Variants in PIK3CB observed in about 807,000 individuals in gnomAD.
PIK3CB encodes the protein phosphatidylinositol 4,5-bisphosphate 3-kinase catalytic subunit beta isoform.
Under a neutral mutation model 136.8 loss-of-function variants are expected in PIK3CB, and 39 were observed. The ratio of observed to expected loss-of-function variants is 0.29; its 90% CI spans 0.22 to 0.37. PIK3CB has a LOEUF of 0.37. Ranked by LOEUF, PIK3CB falls within the 10% of genes least tolerant of loss-of-function variation. PIK3CB has a pLI of 1.00. For missense variants in PIK3CB, 868 were observed against 1,275.4 expected, an observed-to-expected ratio of 0.68 and a Z score of 4.87; for synonymous variants, 428 against 436.6, an observed-to-expected ratio of 0.98 and a Z score of 0.25.
At chr3:138,716,240 G>A (rs1016449543) in intron 8 of PIK3CB, among the ~76,000 whole-genome samples, 2 of 152,130 alleles carry the variant, frequency 1.3e-5, no homozygotes, top group Non-Finnish European at 2.9e-5. Flanking sequence ...TCCAGAAAAA[G>A]GCGTAATCCT....
intron 13 of PIK3CB, 43 bp downstream of exon 13, chr3:138,698,864 T>C: frequency 7.9e-7 from 1 of 1,258,668 alleles, no homozygotes; most frequent in East Asian, 2.4e-5. Flanking sequence ...TCCAACCAAG[T>C]ACCATACACC....
chr3:138,740,939 G>T (rs1020531074), intron 5 of PIK3CB, among the ~76,000 whole-genome samples: 12 of 152,168 alleles, frequency 7.9e-5, no homozygotes, highest in Non-Finnish European at 1.5e-4. Context: ...GGTAAAGCCA[G>T]TGTTCTCAAG....
intron 1 of PIK3CB, among the ~76,000 whole-genome samples, chr3:138,803,239 G>A (rs879356151): frequency 1.3e-5 from 2 of 152,138 alleles, no homozygotes; most frequent in Non-Finnish European, 2.9e-5. Flanking sequence ...GAAGGGAGGT[G>A]GTGTCAAGGC....
rs560889554 is a variant in PIK3CB at position 138,808,356 on chromosome 3, T to C, written c.-121-11789A>G. On this transcript the variant is annotated intron_variant, in intron 1 of 23. Coordinates refer to ENST00000674063, the MANE Select transcript of PIK3CB (RefSeq NM_006219.3). ...CCTATAAAACATTTAGAAGGCCGGGTGCAGTGGCATACACCTGTAACCTCA... is the reference window on the plus strand; with the variant it reads ...CCTATAAAACATTTAGAAGGCCGGGCGCAGTGGCATACACCTGTAACCTCA... Among the ~76,000 whole-genome samples, 171 of 152,186 alleles carry C rather than the reference T, an allele frequency of 1.1e-3. 1 individual carries two copies. The highest frequency in any genetic ancestry group is 4.0e-3 in the African/African-American group (168 of 41,524).
chr3:138,794,111 C>A (rs528896058), intron 2 of PIK3CB, among the ~76,000 whole-genome samples: 1 of 151,960 alleles, frequency 6.6e-6, no homozygotes, highest in South Asian at 2.1e-4. Context: ...TACAGGTGCC[C>A]GCCACCATGC....
chr3:138,732,756 A>G (rs928915074), intron 8 of PIK3CB, among the ~76,000 whole-genome samples: 8 of 150,784 alleles, frequency 5.3e-5, no homozygotes, highest in Non-Finnish European at 8.9e-5. Flanking sequence ...AGAGGGGTTC[A>G]GTGCAGCTCT....
rs2045067065 is a variant in PIK3CB at position 138,734,803 on chromosome 3, T to C, written c.803A>G (p.Tyr268Cys). 2 of 1,599,252 alleles carry C rather than the reference T, an allele frequency of 1.3e-6. No homozygotes were observed. The highest frequency in any genetic ancestry group is 1.7e-6 in the Non-Finnish European group (2 of 1,172,596). The change falls in exon 7 of 24, where the codon TAT becomes TGT. Residue 268 changes from tyrosine to cysteine, a missense_variant and splice_region_variant. Physicochemically the swap from Tyr to Cys is radical, Grantham distance 194 (BLOSUM62 -2). Around this residue, in one of 4 missense-constraint regions of PIK3CB, gnomAD observed 612 missense variants for 801.1 expected, o/e 0.76. Transcript: ENST00000674063. ...TCTGTTCATCACACAGTTCCGGATA[T>C]ACTATAGGGGCAAGAAAGGGGAAGG... ...FGDHPLIQFQ[Y>C]IRNCVMNRAL...
intron 8 of PIK3CB, among the ~76,000 whole-genome samples, chr3:138,720,737 G>A (rs374024502): frequency 6.6e-6 from 1 of 152,016 alleles, no homozygotes; most frequent in Admixed American, 6.6e-5. Context: ...GTGTGGTGGC[G>A]TGCACCTGTA....
intron 13 of PIK3CB, among the ~76,000 whole-genome samples, chr3:138,696,758 C>A (rs905244194): frequency 1.3e-5 from 2 of 152,108 alleles, no homozygotes; most frequent in Non-Finnish European, 2.9e-5. Flanking sequence ...ATAGATCCCC[C>A]CTCCCTGCTT....
intron 1 of PIK3CB, among the ~76,000 whole-genome samples, chr3:138,812,968 T>TA (rs1933142986): frequency 6.6e-6 from 1 of 152,298 alleles, no homozygotes; most frequent in African/African-American, 2.4e-5. Flanking sequence ...GTGAGTAAGA[T>TA]ATATGAACTA....
intron 19 of PIK3CB, among the ~76,000 whole-genome samples, chr3:138,677,356 C>G (rs1356247471): frequency 6.6e-6 from 1 of 152,066 alleles, no homozygotes; most frequent in East Asian, 1.9e-4. Flanking sequence ...CCGTGCCCAG[C>G]CTTACTCAAG....
intron 2 of PIK3CB, among the ~76,000 whole-genome samples, chr3:138,775,399 TC>T (rs2045846285): frequency 6.6e-6 from 1 of 152,200 alleles, no homozygotes; most frequent in Non-Finnish European, 1.5e-5. Flanking sequence ...CAATTTGCAA[TC>T]CAGCCTGTAC....
In PIK3CB at chr3:138,699,098, A is replaced by C; in HGVS notation, c.1582-3T>G. 6.6e-7 allele frequency: 1 copy of C among 1,524,248 alleles called. No individual in the cohort carries two copies. The highest frequency in any genetic ancestry group is 1.3e-5 in the South Asian group (1 of 78,414). The allele number at this position is 1,524,248 out of a possible 1,614,324, so 94.4% of individuals were successfully genotyped here. Reference sequence around the variant, plus strand: ...AGAAACTTTTTTCCACCTCGACTCTAAAAAAGTAAAATGCTCATTATAGAA... The same window carrying C: ...AGAAACTTTTTTCCACCTCGACTCTCAAAAAGTAAAATGCTCATTATAGAA... On this transcript the variant is annotated splice_region_variant and splice_polypyrimidine_tract_variant and intron_variant, in intron 12 of 23. Coordinates refer to ENST00000674063, the MANE Select transcript of PIK3CB (RefSeq NM_006219.3).
intron 1 of PIK3CB, among the ~76,000 whole-genome samples, chr3:138,805,905 T>C (rs1047459505): frequency 2.0e-5 from 3 of 151,280 alleles, no homozygotes; most frequent in Non-Finnish European, 4.4e-5. Context: ...AATTTTTGTA[T>C]TTTTAGTAGA....
At chr3:138,722,257 C>T (rs1192162003) in intron 8 of PIK3CB, among the ~76,000 whole-genome samples, 1 of 142,306 alleles carries the variant, frequency 7.0e-6, no homozygotes, top group Non-Finnish European at 1.5e-5. Context: ...CACACACACA[C>T]GTGTGTAGGC....
At chr3:138,798,214 A>G (rs6776184) in intron 1 of PIK3CB, among the ~76,000 whole-genome samples, 151,147 of 152,280 alleles carry the variant, frequency 0.99, 75,030 homozygotes, top group South Asian at 1. Flanking sequence ...GCCCAGGCTG[A>G]AGTGTGGTGG....
intron 1 of PIK3CB, among the ~76,000 whole-genome samples, chr3:138,809,383 A>G (rs978985973): frequency 6.6e-6 from 1 of 151,872 alleles, no homozygotes; most frequent in Non-Finnish European, 1.5e-5. Context: ...AGGCGGGCGG[A>G]TCACCTGAGG....
intron 19 of PIK3CB, among the ~76,000 whole-genome samples, chr3:138,671,425 G>C (rs977650076): frequency 9.9e-5 from 15 of 152,274 alleles, no homozygotes; most frequent in African/African-American, 3.4e-4. Flanking sequence ...CAACCTTGTA[G>C]ACTAAGGTTG....
chr3:138,694,044 A>ACTG (rs2044083321), intron 14 of PIK3CB, among the ~76,000 whole-genome samples: 1 of 144,540 alleles, frequency 6.9e-6, no homozygotes, highest in East Asian at 2.1e-4. Context: ...GGGTGGATAG[A>ACTG]CTGTGTGAAG....
Sources: gnomAD v4.1 joint callset for allele counts (sites outside exome capture counted in the v4.1 genomes callset) on GRCh38, gnomAD v4.1.1 for gene constraint, gnomAD v4.1.1 regional missense constraint, MANE v1.5 for transcripts, NCBI Gene and HGNC (gene_info 2026-07-23, HGNC 2026-07-21) for gene names.